PHACTR2: variants seen among roughly 807,000 people sequenced by gnomAD.
PHACTR2 encodes phosphatase and actin regulator 2, also known as chromosome 6 open reading frame 56.
Under a neutral mutation model 76.0 loss-of-function variants are expected in PHACTR2, and 30 were observed. The observed-to-expected ratio is 0.39, with a 90% CI of 0.30 to 0.54. PHACTR2 has a LOEUF of 0.54. PHACTR2 is among the 20% of genes least tolerant of loss of function. The probability of loss-of-function intolerance (pLI) is 0.61; values close to 1 mark genes in which losing one functional copy is unlikely to be tolerated. For synonymous variants in PHACTR2, 292 were observed against 292.5 expected (o/e 1.00, Z 0.02); for missense variants, 696 against 781.1 (o/e 0.89, Z 1.30).
chr6:143,792,842 AG>A (rs907062247), intron 11 of PHACTR2, among the ~76,000 whole-genome samples: 3 of 152,138 alleles, frequency 2.0e-5, no homozygotes, highest in Admixed American at 1.3e-4. Flanking sequence ...ACCAGGTAAA[AG>A]CTATATGGCC....
At position 143,730,043 on chromosome 6, in the gene PHACTR2, A is replaced by G. The variant is rs547000691; in HGVS notation, c.214+17860A>G. Among the ~76,000 whole-genome samples the G allele has an allele frequency of 5.3e-5, 8 of 152,182 alleles. No individual in the cohort carries two copies. Among genetic ancestry groups the G allele is most frequent in the Non-Finnish European group, 8.8e-5 (6 of 68,012 alleles). On this transcript the variant is annotated intron_variant, in intron 2 of 12. Coordinates refer to ENST00000440869, the MANE Select transcript of PHACTR2 (RefSeq NM_001100164.2). This position sits in a 1 kb window ranked among gnomAD's most constrained non-coding sequence, Gnocchi z 4.8. Reference sequence around the variant, plus strand: ...TTAATCTGTGTCTATTCTTTCACCAATATCACACTATCTTGATTATTATAG... The same window carrying G: ...TTAATCTGTGTCTATTCTTTCACCAGTATCACACTATCTTGATTATTATAG...
At position 143,818,890 on chromosome 6, in the gene PHACTR2, T is replaced by C. The variant is rs934867455; in HGVS notation, c.1923-4784T>C. Among the ~76,000 whole-genome samples the C allele has an allele frequency of 6.6e-6, 1 of 152,244 alleles. No homozygotes were observed. The highest frequency in any genetic ancestry group is 2.4e-5 in the African/African-American group (1 of 41,466). ...ATATCAATTTGCCTTTCACATTGTA[T>C]ATAAAATATTTGATTTAAGAGGTTT... On this transcript the variant is annotated intron_variant, in intron 12 of 12. Coordinates refer to ENST00000440869, the MANE Select transcript of PHACTR2 (RefSeq NM_001100164.2). This position sits in a 1 kb window ranked among gnomAD's most constrained non-coding sequence, Gnocchi z 4.9.
intron 2 of PHACTR2, among the ~76,000 whole-genome samples, chr6:143,747,261 C>T (rs1779086444): frequency 6.6e-6 from 1 of 152,146 alleles, no homozygotes; most frequent in Non-Finnish European, 1.5e-5. Flanking sequence ...AAAAGGAATA[C>T]ACAATTTCTA....
intron 1 of PHACTR2, among the ~76,000 whole-genome samples, chr6:143,640,894 G>A (rs1776552295): frequency 3.9e-5 from 6 of 152,146 alleles, no homozygotes; most frequent in Admixed American, 3.9e-4. Flanking sequence ...CCTAAATCCA[G>A]TAAGTTTCCT....
At chr6:143,584,681 T>G (rs1582684762) in intron 1 of PHACTR2, among the ~76,000 whole-genome samples, 1 of 152,280 alleles carries the variant, frequency 6.6e-6, no homozygotes, top group East Asian at 1.9e-4. Context: ...GTGTATTGTC[T>G]ATCAGTGCAG....
In PHACTR2 at chr6:143,596,619, A is replaced by G. The variant is rs544519362; in HGVS notation, c.217+59412A>G. Among the ~76,000 whole-genome samples, 3 of 152,244 alleles carry G rather than the reference A, an allele frequency of 2.0e-5. No individual in the cohort carries two copies. In the South Asian group the frequency reaches 6.2e-4, roughly 32 times the overall value. On this transcript the variant is annotated intron_variant, in intron 1 of 11. Transcript: ENST00000367584. The surrounding 1 kb of genome is among the most constrained non-coding windows in gnomAD (Gnocchi z 4.6). ...TATGGGATGCCAAGGTGGGAGGATC[A>G]CATGAGCCTAGTAGTTTGAGATCAG...
At chr6:143,660,699 T>A (rs1447621956) in intron 1 of PHACTR2, among the ~76,000 whole-genome samples, 4 of 152,126 alleles carry the variant, frequency 2.6e-5, no homozygotes, top group African/African-American at 9.7e-5. Flanking sequence ...TCCAGACAGA[T>A]GAGGAAACGC....
At position 143,829,734 on chromosome 6, in the gene PHACTR2, G is replaced by C. The variant is rs1460381861; in HGVS notation, c.*6045G>C. ...TGGCTAGCAAAATGGAATTAACTTA[G>C]CCACTATAATTTTTTAAAACATTAA... is the stretch of plus-strand genomic sequence containing the variant. On this transcript the variant is annotated 3_prime_UTR_variant, in exon 13 of 13. Transcript: ENST00000440869. 1 of 152,198 alleles carries C rather than the reference G, an allele frequency of 6.6e-6. No homozygotes were observed. The highest frequency in any genetic ancestry group is 1.5e-5 in the Non-Finnish European group (1 of 68,036). 9.4% of individuals were successfully genotyped at this position (152,198 alleles called of 1,614,324 possible).
At position 143,747,926 on chromosome 6, in the gene PHACTR2, G is replaced by A. The variant is rs999260644; in HGVS notation, c.215-1059G>A. On this transcript the variant is annotated intron_variant, in intron 2 of 12. Coordinates refer to ENST00000440869, the MANE Select transcript of PHACTR2 (RefSeq NM_001100164.2). ...AGGATTTAATACTATACACACTCAA[G>A]GGGAACACAATTGAGATCCTGCTCC... Among the ~76,000 whole-genome samples, 23 of 152,130 alleles carry A rather than the reference G, an allele frequency of 1.5e-4. 1 individual carries two copies. The highest frequency in any genetic ancestry group is 4.4e-5 in the Non-Finnish European group (3 of 68,036).
At chr6:143,645,555 T>C (rs1256480493) in intron 1 of PHACTR2, among the ~76,000 whole-genome samples, 1 of 152,216 alleles carries the variant, frequency 6.6e-6, no homozygotes, top group African/African-American at 2.4e-5. Context: ...AAGAAAGTTG[T>C]GTGGCGCTAA....
At chr6:143,727,713 G>GT in intron 2 of PHACTR2, among the ~76,000 whole-genome samples, 1 of 120,680 alleles carries the variant, frequency 8.3e-6, no homozygotes, top group Non-Finnish European at 1.7e-5. Context: ...ATGATTAGTG[G>GT]TTTTTTCATA....
Position 143,595,090 on chromosome 6 carries a change from AATTTTAGATTCTC to A in PHACTR2, c.217+57886_217+57898del, listed in dbSNP as rs1942051467. Among the ~76,000 whole-genome samples, 1 of 152,212 alleles carries A rather than the reference AATTTTAGATTCTC, an allele frequency of 6.6e-6. No individual in the cohort carries two copies. Among genetic ancestry groups the A allele is most frequent in the Non-Finnish European group, 1.5e-5 (1 of 68,036 alleles). On this transcript the variant is annotated intron_variant, in intron 1 of 11. Coordinates refer to the PHACTR2 transcript ENST00000367584. This position sits in a 1 kb window ranked among gnomAD's most constrained non-coding sequence, Gnocchi z 4.2. ...TCAAACCAGGTTTTAGAAGCAAGAC[AATTTTAGATTCTC>A]ATAGTAAGAACAAATTTAGACACCT... is the stretch of plus-strand genomic sequence containing the variant.
rs138180643 is a variant in PHACTR2 at position 143,797,598 on chromosome 6, A to G, written c.1845+8688A>G. Among the ~76,000 whole-genome samples the G allele has an allele frequency of 9.5e-3, 1,451 of 152,288 alleles. 64 individuals are homozygous for G. The highest frequency in any genetic ancestry group is 0.084 in the Admixed American group (1,286 of 15,298). On this transcript the variant is annotated intron_variant, in intron 11 of 12. Transcript: ENST00000440869. ...TTGAGTTGATTTTTGTATAAGGTGTAAGGAAGGGGTCCAGTTCCAGTTTTC... is the reference window on the plus strand; with the variant it reads ...TTGAGTTGATTTTTGTATAAGGTGTGAGGAAGGGGTCCAGTTCCAGTTTTC...
At chr6:143,573,378 T>C (rs1368985461) in intron 1 of PHACTR2, among the ~76,000 whole-genome samples, 2 of 152,182 alleles carry the variant, frequency 1.3e-5, no homozygotes, top group African/African-American at 4.8e-5. Flanking sequence ...CTAGGTCTTA[T>C]GGAAGTTTCT....
intron 1 of PHACTR2, among the ~76,000 whole-genome samples, chr6:143,707,059 A>G (rs1411940960): frequency 2.0e-5 from 3 of 152,218 alleles, no homozygotes; most frequent in Admixed American, 6.5e-5. Flanking sequence ...TTTCTTTGCC[A>G]TATGTTCTGT....
At position 143,775,174 on chromosome 6, in the gene PHACTR2, A is replaced by C. The variant is rs1048952644; in HGVS notation, c.1589+959A>C. On this transcript the variant is annotated intron_variant, in intron 8 of 12. Transcript: ENST00000440869. This position sits in a 1 kb window ranked among gnomAD's most constrained non-coding sequence, Gnocchi z 4.4. Reference sequence around the variant, plus strand: ...AGTAACCCCTAAGGCACCTCCTTACAGCTGAGTTGTGCAGAAAGGTGTCAG... The same window carrying C: ...AGTAACCCCTAAGGCACCTCCTTACCGCTGAGTTGTGCAGAAAGGTGTCAG... Among the ~76,000 whole-genome samples, 2 of 152,146 alleles carry C rather than the reference A, an allele frequency of 1.3e-5. No homozygotes were observed. Among genetic ancestry groups the C allele is most frequent in the African/African-American group, 2.4e-5 (1 of 41,436 alleles).
intron 1 of PHACTR2, among the ~76,000 whole-genome samples, chr6:143,661,115 A>G (rs765571314): frequency 2.0e-4 from 30 of 152,236 alleles, no homozygotes; most frequent in Admixed American, 3.9e-4. Flanking sequence ...TAAAAAATTC[A>G]TAGTAAAATT....
rs532879314 is a variant in PHACTR2 at position 143,619,626 on chromosome 6, G to A, written c.13+11304G>A. ...CTCCACTTACTGTGGAAAGGGACTCGGTAGCTTTTGTATCATTAACTGAGA... is the reference window on the plus strand; with the variant it reads ...CTCCACTTACTGTGGAAAGGGACTCAGTAGCTTTTGTATCATTAACTGAGA... On this transcript the variant is annotated intron_variant, in intron 1 of 11. Transcript: ENST00000305766. This position sits in a 1 kb window ranked among gnomAD's most constrained non-coding sequence, Gnocchi z 4.5. 2.0e-5 allele frequency among the ~76,000 whole-genome samples: 3 copies of A among 152,228 alleles called. No individual in the cohort carries two copies. The highest frequency in any genetic ancestry group is 1.9e-4 in the East Asian group (1 of 5,182).
chr6:143,537,162 TC>T lies in PHACTR2; in HGVS notation c.174del (p.Ser59ArgfsTer23). The T allele has an allele frequency of 3.1e-6, 1 of 327,140 alleles. No homozygotes were observed. The highest frequency in any genetic ancestry group is 6.0e-6 in the Non-Finnish European group (1 of 167,294). 20.3% of individuals were successfully genotyped at this position (327,140 alleles called of 1,614,324 possible). A position where few individuals can be genotyped will look rare whatever the true frequency, so the allele number is the denominator to read the frequency against. On this transcript the variant is annotated frameshift_variant, in exon 1 of 12. Transcript: ENST00000367584. LOFTEE classifies it high-confidence loss of function. The surrounding 1 kb of genome is among the most constrained non-coding windows in gnomAD (Gnocchi z 4.4). ...CCGCTCACAGAGCGACCTCTCGTCG[TC>T]CTCGAGCAGGGGCCGCCCGCTCCGG...
Sources: allele counts gnomAD v4.1 joint callset (sites outside exome capture counted in the v4.1 genomes callset), GRCh38; gene constraint gnomAD v4.1.1; non-coding constraint Gnocchi (gnomAD v3.1); transcripts MANE v1.5; gene names NCBI Gene and HGNC (gene_info 2026-07-23, HGNC 2026-07-21).